The following CCSER1 variants were observed in gnomAD, a reference collection of about 807,000 sequenced individuals.
The protein encoded by CCSER1 is coiled-coil serine rich protein 1.
Under a neutral mutation model 82.0 loss-of-function variants are expected in CCSER1, and 41 were observed. The observed-to-expected ratio is 0.50, with a 90% CI of 0.39 to 0.65. The LOEUF (loss-of-function observed/expected upper bound fraction) is 0.65. Ranked by LOEUF, CCSER1 falls within the 30% of genes least tolerant of loss-of-function variation. The pLI is 0.00. For missense variants in CCSER1, 1,119 were observed against 1,064.2 expected (o/e 1.05, Z -0.72); for synonymous variants, 414 against 383.9 (o/e 1.08, Z -0.92).
intron 3 of CCSER1, among the ~76,000 whole-genome samples, chr4:90,323,116 G>A (rs1289552233): frequency 6.6e-6 from 1 of 152,138 alleles, no homozygotes; most frequent in East Asian, 1.9e-4. Context: ...TTTTAATGTA[G>A]CTGAGCTGGT....
chr4:90,519,923 A>G (rs1464851821), intron 5 of CCSER1, among the ~76,000 whole-genome samples: 1 of 152,090 alleles, frequency 6.6e-6, no homozygotes, highest in Non-Finnish European at 1.5e-5. Flanking sequence ...CTTTGAAGTG[A>G]AAACTACATT....
chr4:90,153,356 G>T (rs1258511213), intron 1 of CCSER1, among the ~76,000 whole-genome samples: 1 of 152,118 alleles, frequency 6.6e-6, no homozygotes, highest in African/African-American at 2.4e-5. Context: ...ACATGTGCAT[G>T]TGTCTTTATA....
At chr4:90,825,102 A>C (rs1760242430) in intron 8 of CCSER1, among the ~76,000 whole-genome samples, 1 of 152,330 alleles carries the variant, frequency 6.6e-6, no homozygotes, top group Non-Finnish European at 1.5e-5. Flanking sequence ...CTGTAGCAAT[A>C]GTACATATTT....
At chr4:90,145,361 G>A (rs759017306) in intron 1 of CCSER1, among the ~76,000 whole-genome samples, 8 of 152,024 alleles carry the variant, frequency 5.3e-5, no homozygotes, top group Non-Finnish European at 5.9e-5. Flanking sequence ...ATTAGGAAGT[G>A]TAAAAGAAAC....
intron 4 of CCSER1, among the ~76,000 whole-genome samples, chr4:90,407,789 A>G (rs548423141): frequency 4.6e-5 from 7 of 152,110 alleles, no homozygotes; most frequent in Non-Finnish European, 1.0e-4. Context: ...CAGTGGGTGC[A>G]GGACAGTGGG....
At chr4:91,378,148 C>T (rs145246552) in intron 10 of CCSER1, among the ~76,000 whole-genome samples, 2,995 of 152,024 alleles carry the variant, frequency 0.02, 76 homozygotes, top group African/African-American at 0.067. Context: ...TTTTGGTTAC[C>T]GTAGCCTTGT....
At chr4:91,595,713 A>C (rs2110353363) in intron 10 of CCSER1, among the ~76,000 whole-genome samples, 1 of 152,200 alleles carries the variant, frequency 6.6e-6, no homozygotes, top group East Asian at 1.9e-4. Context: ...ACTAAACTAG[A>C]AAGTGTCTGA....
chr4:91,374,771 G>C (rs1038937139), intron 10 of CCSER1, among the ~76,000 whole-genome samples: 1 of 152,208 alleles, frequency 6.6e-6, no homozygotes, highest in Non-Finnish European at 1.5e-5. Context: ...CGAGGTGGGT[G>C]AATCTCTTGA....
intron 10 of CCSER1, among the ~76,000 whole-genome samples, chr4:91,502,788 A>G (rs969558881): frequency 1.9e-4 from 29 of 152,316 alleles, no homozygotes; most frequent in African/African-American, 6.7e-4. Flanking sequence ...TCACTGACAC[A>G]CAAGTGCTCC....
At chr4:90,862,978 G>A (rs181610352) in intron 8 of CCSER1, among the ~76,000 whole-genome samples, 76 of 139,652 alleles carry the variant, frequency 5.4e-4, no homozygotes, top group African/African-American at 1.6e-3. Context: ...TAGGGTACAT[G>A]TGCACAATGT....
intron 10 of CCSER1, among the ~76,000 whole-genome samples, chr4:91,376,902 C>CCACCCCTT (rs1750454962): frequency 7.0e-6 from 1 of 142,672 alleles, no homozygotes; most frequent in Non-Finnish European, 1.5e-5. Flanking sequence ...TACTATCCCT[C>CCACCCCTT]CCCCCACCCA....
At chr4:90,271,803 G>A (rs1487292244) in intron 1 of CCSER1, among the ~76,000 whole-genome samples, 1 of 113,488 alleles carries the variant, frequency 8.8e-6, no homozygotes, top group African/African-American at 3.2e-5. Context: ...CTGCTATAAA[G>A]ATACTACCTG....
At chr4:90,333,132 A>G (rs577575622) in intron 3 of CCSER1, among the ~76,000 whole-genome samples, 3 of 152,304 alleles carry the variant, frequency 2.0e-5, no homozygotes, top group East Asian at 1.9e-4. Context: ...TTAGTGGATC[A>G]TGTCAGGGGG....
chr4:91,420,238 G>C (rs1279189600), intron 10 of CCSER1, among the ~76,000 whole-genome samples: 1 of 151,952 alleles, frequency 6.6e-6, no homozygotes, highest in Non-Finnish European at 1.5e-5. Flanking sequence ...CACAGCAAAG[G>C]AAACAAAGTG....
chr4:91,470,419 A>G (rs926890275), intron 10 of CCSER1, among the ~76,000 whole-genome samples: 7 of 146,982 alleles, frequency 4.8e-5, no homozygotes, highest in African/African-American at 1.5e-4. Context: ...TATTAATAAT[A>G]TTTATATTAT....
chr4:90,787,098 C>G (rs1754619164), intron 7 of CCSER1, among the ~76,000 whole-genome samples: 1 of 152,172 alleles, frequency 6.6e-6, no homozygotes, highest in African/African-American at 2.4e-5. Context: ...GGCACGCCTC[C>G]TTCTAGGAAC....
intron 9 of CCSER1, among the ~76,000 whole-genome samples, chr4:91,072,105 TATG>T (rs949128766): frequency 6.6e-6 from 1 of 152,094 alleles, no homozygotes; most frequent in Non-Finnish European, 1.5e-5. Context: ...CCTCATAAAA[TATG>T]ATGACCCAAG....
At chr4:90,833,938 T>G (rs570885905) in intron 8 of CCSER1, among the ~76,000 whole-genome samples, 4 of 152,158 alleles carry the variant, frequency 2.6e-5, no homozygotes, top group African/African-American at 9.7e-5. Context: ...TTGTCTACTC[T>G]GTTTGCTTCT....
chr4:90,918,760 TACACAC>T (rs70963097), intron 8 of CCSER1, among the ~76,000 whole-genome samples: 1 of 149,922 alleles, frequency 6.7e-6, no homozygotes, highest in African/African-American at 2.4e-5. Flanking sequence ...GTGTGTAAAA[TACACAC>T]ACACACACAC....
Sources: gnomAD v4.1 joint callset for allele counts (sites outside exome capture counted in the v4.1 genomes callset) on GRCh38, gnomAD v4.1.1 for gene constraint, MANE v1.5 for transcripts, NCBI Gene and HGNC (gene_info 2026-07-23, HGNC 2026-07-21) for gene names.